The following SPAG9 variants were observed in gnomAD, a reference collection of about 807,000 sequenced individuals.
SPAG9 encodes the protein C-Jun-amino-terminal kinase-interacting protein 4.
In SPAG9, 35 loss-of-function variants were observed where a neutral mutation model predicts 166.5. That is an observed-to-expected ratio of 0.21 (90% confidence interval 0.16 to 0.28). The LOEUF (loss-of-function observed/expected upper bound fraction) is 0.28. Ranked by LOEUF, SPAG9 falls within the 10% of genes least tolerant of loss-of-function variation. The pLI is 1.00. For synonymous variants in SPAG9, 534 were observed against 565.5 expected, an observed-to-expected ratio of 0.94 and a Z score of 0.79; for missense variants, 1,235 against 1,603.3, an observed-to-expected ratio of 0.77 and a Z score of 3.92.
chr17:50,989,030 G>C (rs1975307673), intron 21 of SPAG9, among the ~76,000 whole-genome samples: 1 of 150,292 alleles, frequency 6.7e-6, no homozygotes, highest in Non-Finnish European at 1.5e-5. Flanking sequence ...TAGAATGGAA[G>C]ACAGTAAGTA....
At chr17:51,030,618 C>T (rs1275283445) in intron 6 of SPAG9, among the ~76,000 whole-genome samples, 2 of 152,110 alleles carry the variant, frequency 1.3e-5, no homozygotes, top group East Asian at 3.9e-4. Flanking sequence ...AATTTGACTC[C>T]TAAGAGTCTG....
chr17:51,033,021 T>C (rs552180294), intron 5 of SPAG9, among the ~76,000 whole-genome samples: 47 of 151,316 alleles, frequency 3.1e-4, no homozygotes, highest in African/African-American at 9.8e-4. Context: ...TTAACAGATG[T>C]GGTTTTTTTT....
At chr17:51,004,916 CA>C (rs1171080390) in intron 12 of SPAG9, among the ~76,000 whole-genome samples, 1 of 152,004 alleles carries the variant, frequency 6.6e-6, no homozygotes, top group East Asian at 1.9e-4. Flanking sequence ...TGAAACGAAA[CA>C]ACAATAACAA....
intron 2 of SPAG9, among the ~76,000 whole-genome samples, chr17:51,065,069 G>A (rs1436139837): frequency 6.6e-6 from 1 of 152,136 alleles, no homozygotes; most frequent in Admixed American, 6.5e-5. Context: ...GTTGCAGTGA[G>A]TTGAGATCGC....
chr17:51,020,150 T>C lies in SPAG9; in HGVS notation c.1091+9A>G. On this transcript the variant is annotated intron_variant, in intron 8 of 29. Coordinates refer to ENST00000262013, the MANE Select transcript of SPAG9 (RefSeq NM_001130528.3). Reference sequence around the variant, plus strand: ...CGCAGAATATGTCTTCATCTAACATTTATGTTACCTTGAACCTTTATATCC... The same window carrying C: ...CGCAGAATATGTCTTCATCTAACATCTATGTTACCTTGAACCTTTATATCC... 1.9e-6 allele frequency: 3 copies of C among 1,571,426 alleles called. No homozygotes were observed. Among genetic ancestry groups the C allele is most frequent in the Non-Finnish European group, 2.6e-6 (3 of 1,141,492 alleles).
At chr17:51,116,680 C>T (rs936408945) in intron 1 of SPAG9, among the ~76,000 whole-genome samples, 7 of 152,174 alleles carry the variant, frequency 4.6e-5, no homozygotes, top group Admixed American at 2.6e-4. Flanking sequence ...AAGAGGATCA[C>T]TTGAGCCCAA....
At chr17:50,995,292 T>C (rs754584789) in intron 17 of SPAG9, 68 bp from the exon 18 acceptor site, 118 of 1,466,148 alleles carry the variant, frequency 8.0e-5, no homozygotes, top group Non-Finnish European at 1.0e-4. Flanking sequence ...TTTCTTAAAA[T>C]AACTAATGGT....
intron 5 of SPAG9, among the ~76,000 whole-genome samples, chr17:51,032,802 C>T (rs549926835): frequency 2.6e-5 from 4 of 152,044 alleles, no homozygotes; most frequent in East Asian, 3.9e-4. Context: ...GGCGTTGTGG[C>T]GGGCTCCTGT....
chr17:51,056,021 T>C (rs1056056426), intron 3 of SPAG9, among the ~76,000 whole-genome samples: 1 of 151,408 alleles, frequency 6.6e-6, no homozygotes, highest in Non-Finnish European at 1.5e-5. Flanking sequence ...GGATAATAGA[T>C]GTAGAGACCC....
rs547979718 is a variant in SPAG9, at chr17:51,099,293, C to A, written c.304-19589G>T. On this transcript the variant is annotated intron_variant, in intron 1 of 29. Transcript: ENST00000262013. Reference sequence around the variant, plus strand: ...CAATAAAAATACAAAATCAGCCAGGCGTGGTGGCGCATTCCTATAATCCCA... The same window carrying A: ...CAATAAAAATACAAAATCAGCCAGGAGTGGTGGCGCATTCCTATAATCCCA... Among the ~76,000 whole-genome samples, 6 of 149,774 alleles carry A rather than the reference C, an allele frequency of 4.0e-5. No homozygotes were observed. The East Asian group carries it at 1.2e-3, about 30-fold the overall frequency.
At chr17:51,118,091 T>A (rs1356860713) in intron 1 of SPAG9, among the ~76,000 whole-genome samples, 1 of 149,554 alleles carries the variant, frequency 6.7e-6, no homozygotes, top group Non-Finnish European at 1.5e-5. Context: ...GCCGAGATCG[T>A]GCCACTGCAC....
chr17:51,034,181 T>C (rs1349764793), intron 5 of SPAG9, among the ~76,000 whole-genome samples: 1 of 152,188 alleles, frequency 6.6e-6, no homozygotes, highest in Non-Finnish European at 1.5e-5. Context: ...CAAAACAATA[T>C]GAAATATTAC....
intron 3 of SPAG9, among the ~76,000 whole-genome samples, chr17:51,054,755 C>A (rs983162388): frequency 6.6e-6 from 1 of 151,910 alleles, no homozygotes; most frequent in African/African-American, 2.4e-5. Flanking sequence ...TATTTTTTAC[C>A]ACTGAAAAAG....
intron 3 of SPAG9, among the ~76,000 whole-genome samples, chr17:51,052,636 C>CAA (rs879699119): frequency 3.2e-5 from 4 of 125,812 alleles, no homozygotes; most frequent in Middle Eastern, 4.0e-3. Flanking sequence ...TAGAAATAGA[C>CAA]AAAAAAAAAA....
At chr17:51,056,375 C>A in intron 3 of SPAG9, 37 bp downstream of exon 3, 1 of 1,171,134 alleles carries the variant, frequency 8.5e-7, no homozygotes, top group Non-Finnish European at 1.3e-6. Flanking sequence ...TTCTTTGTCT[C>A]AATAATAGCA....
At chr17:51,086,031 C>T (rs1188612942) in intron 1 of SPAG9, among the ~76,000 whole-genome samples, 1 of 133,042 alleles carries the variant, frequency 7.5e-6, no homozygotes, top group East Asian at 2.2e-4. Context: ...TGCAGTGGTG[C>T]AATCTCAGCT....
intron 24 of SPAG9, among the ~76,000 whole-genome samples, chr17:50,983,728 G>T (rs1425501072): frequency 6.6e-6 from 1 of 151,864 alleles, no homozygotes; most frequent in Non-Finnish European, 1.5e-5. Flanking sequence ...CCACTTATTA[G>T]CTGAGTGGCC....
At chr17:50,984,080 T>C (rs1305153607) in intron 24 of SPAG9, among the ~76,000 whole-genome samples, 1 of 152,174 alleles carries the variant, frequency 6.6e-6, no homozygotes, top group Non-Finnish European at 1.5e-5. Context: ...AAATGATGTA[T>C]CATTTTTGGT....
In SPAG9 at chr17:50,974,852, T is replaced by C; in HGVS notation, c.3619A>G (p.Ile1207Val). ...GCATGTGCCATTGAACAATAGGGTATAAATGTCCCTGGAGTCACTTTATCA... is the reference window on the plus strand; with the variant it reads ...GCATGTGCCATTGAACAATAGGGTACAAATGTCCCTGGAGTCACTTTATCA... Reference protein sequence around the residue: ...NSDKVTPGTFIPYCSMAHAQL... With the variant: ...NSDKVTPGTFVPYCSMAHAQL... Residue 1207 changes from isoleucine (I) to valine (V), a missense_variant, in exon 28 of 30, where the codon ATA (isoleucine) becomes GTA (valine). By Grantham distance (29) the Ile-to-Val change is conservative (BLOSUM62 3). Coordinates refer to ENST00000262013, the MANE Select transcript of SPAG9 (RefSeq NM_001130528.3). The C allele has an allele frequency of 3.1e-6, 5 of 1,612,346 alleles. No homozygotes were observed. Among genetic ancestry groups the C allele is most frequent in the Non-Finnish European group, 4.2e-6 (5 of 1,179,670 alleles).
Sources: gnomAD v4.1 joint callset for allele counts (sites outside exome capture counted in the v4.1 genomes callset) on GRCh38, gnomAD v4.1.1 for gene constraint, MANE v1.5 for transcripts, NCBI Gene and HGNC (gene_info 2026-07-23, HGNC 2026-07-21) for gene names.